Variants in AFAP1 observed in about 807,000 individuals in gnomAD.
AFAP1 encodes actin filament associated protein 1.
Under a neutral mutation model 93.9 loss-of-function variants are expected in AFAP1, and 75 were observed. That is an observed-to-expected ratio of 0.80 (90% CI 0.66 to 0.97). AFAP1 has a LOEUF of 0.97. AFAP1 is among the 50% of genes least tolerant of loss of function. The pLI is 0.00. For synonymous variants in AFAP1, 517 were observed against 430.7 expected (o/e 1.20, Z -2.48); for missense variants, 1,201 against 1,050.8 (o/e 1.14, Z -1.98).
At chr4:7,839,907 A>T (rs150120044) in intron 5 of AFAP1, among the ~76,000 whole-genome samples, 238 of 152,308 alleles carry the variant, frequency 1.6e-3, no homozygotes, top group African/African-American at 5.4e-3. Flanking sequence ...CCTCGTTTGC[A>T]AAATGTGTTT....
intron 1 of AFAP1, among the ~76,000 whole-genome samples, chr4:7,873,921 T>C (rs774018440): frequency 2.0e-4 from 31 of 152,190 alleles, no homozygotes; most frequent in Non-Finnish European, 4.3e-4. Flanking sequence ...CTGATACCAT[T>C]TGTGGCCAAG....
intron 9 of AFAP1, among the ~76,000 whole-genome samples, chr4:7,804,351 C>T (rs941628864): frequency 2.6e-5 from 4 of 152,214 alleles, no homozygotes; most frequent in African/African-American, 9.7e-5. Flanking sequence ...TTGAATCTCA[C>T]TTATCATATT....
chr4:7,836,892 T>C (rs1272084353), intron 6 of AFAP1, among the ~76,000 whole-genome samples: 1 of 147,856 alleles, frequency 6.8e-6, no homozygotes, highest in East Asian at 1.9e-4. Context: ...GAATTATCCC[T>C]CAATAAAGCT....
At chr4:7,826,132 G>T (rs1721400261) in intron 6 of AFAP1, among the ~76,000 whole-genome samples, 1 of 152,194 alleles carries the variant, frequency 6.6e-6, no homozygotes, top group South Asian at 2.1e-4. Flanking sequence ...ATTTGGGACA[G>T]GGAAGAAGCC....
At position 7,851,953 on chromosome 4, in the gene AFAP1, G is replaced by C. The variant is rs548176306; in HGVS notation, c.334+3513C>G. 4.6e-5 allele frequency among the ~76,000 whole-genome samples: 7 copies of C among 152,286 alleles called. No homozygotes were observed. The East Asian group carries it at 1.4e-3, about 29-fold the overall frequency. Reference sequence around the variant, plus strand: ...ATCCCCACACCATTGCTTCTGACCAGGGAACTCATTTACAGCAAATCAAGT... The same window carrying C: ...ATCCCCACACCATTGCTTCTGACCACGGAACTCATTTACAGCAAATCAAGT... On this transcript the variant is annotated intron_variant, in intron 4 of 17. Transcript: ENST00000420658.
chr4:7,917,244 G>T (rs1010732221), intron 1 of AFAP1, among the ~76,000 whole-genome samples: 46 of 152,144 alleles, frequency 3.0e-4, no homozygotes, highest in African/African-American at 1.1e-3. Context: ...CGAACAAAAG[G>T]AGTCAATCAG....
intron 3 of AFAP1, chr4:7,862,090 C>G (rs1168986549): frequency 6.6e-6 from 1 of 152,096 alleles, no homozygotes; most frequent in Non-Finnish European, 1.5e-5. Flanking sequence ...CCCCGCTACT[C>G]AGGAGGGTGA....
At chr4:7,793,019 C>T (rs1718021380) in intron 11 of AFAP1, among the ~76,000 whole-genome samples, 1 of 152,172 alleles carries the variant, frequency 6.6e-6, no homozygotes, top group East Asian at 1.9e-4. Flanking sequence ...AATAATTTAA[C>T]CCCGCAGACT....
chr4:7,770,961 T>C lies in AFAP1; in HGVS notation c.2253+1859A>G, dbSNP rs1449680666. On this transcript the variant is annotated intron_variant, in intron 16 of 17. Coordinates refer to ENST00000420658, the MANE Select transcript of AFAP1 (RefSeq NM_001134647.2). ...GCCTCACTGCCACTCTCACTGCACCTGACCCCACCATGCTCTTGTCCCCAT... is the reference window on the plus strand; with the variant it reads ...GCCTCACTGCCACTCTCACTGCACCCGACCCCACCATGCTCTTGTCCCCAT... 5.9e-5 allele frequency among the ~76,000 whole-genome samples: 9 copies of C among 152,202 alleles called. 1 individual carries two copies. The highest frequency in any genetic ancestry group is 1.3e-4 in the Non-Finnish European group (9 of 68,030).
chr4:7,899,436 G>A (rs1420999932), intron 1 of AFAP1, among the ~76,000 whole-genome samples: 2 of 152,198 alleles, frequency 1.3e-5, no homozygotes, highest in Non-Finnish European at 2.9e-5. Context: ...GCACTGGTAT[G>A]CAAATTATAT....
chr4:7,819,844 C>T (rs977480838), intron 6 of AFAP1, among the ~76,000 whole-genome samples: 1 of 152,206 alleles, frequency 6.6e-6, no homozygotes, highest in African/African-American at 2.4e-5. Context: ...GGGTTTAATC[C>T]TGGCTTTAGC....
chr4:7,816,443 A>G (rs748400007), intron 7 of AFAP1, among the ~76,000 whole-genome samples: 9 of 152,246 alleles, frequency 5.9e-5, no homozygotes, highest in Non-Finnish European at 1.3e-4. Flanking sequence ...TCACCAAGCC[A>G]TATTATCCTC....
Position 7,819,182 on chromosome 4 carries a change from C to T in AFAP1, c.727-11G>A, listed in dbSNP as rs750710185. On this transcript the variant is annotated splice_polypyrimidine_tract_variant and intron_variant, in intron 6 of 17. Transcript: ENST00000420658. The stretch of plus-strand genomic sequence containing the variant: ...GGCTTCTTTGATCACCTATAAAAAG[C>T]ACAGACACTTTGTGAGTATGCCCAA... 17 of 1,603,110 alleles carry T rather than the reference C, an allele frequency of 1.1e-5. No homozygotes were observed. In the South Asian group the frequency reaches 1.9e-4, roughly 18 times the overall value.
Position 7,790,043 on chromosome 4 carries a change from G to A in AFAP1, c.1412+3638C>T, listed in dbSNP as rs897035451. ...CCTCTTTTCAAAATATATTACTGCC[G>A]TCTCTTCCTCAGTCATGTACAATGC... On this transcript the variant is annotated intron_variant, in intron 11 of 17. Coordinates refer to ENST00000420658, the MANE Select transcript of AFAP1 (RefSeq NM_001134647.2). Among the ~76,000 whole-genome samples, 8 of 151,970 alleles carry A rather than the reference G, an allele frequency of 5.3e-5. No individual in the cohort carries two copies. In the East Asian group the frequency reaches 5.8e-4, roughly 11 times the overall value.
intron 7 of AFAP1, among the ~76,000 whole-genome samples, chr4:7,818,744 T>G (rs1171022343): frequency 6.6e-6 from 1 of 152,218 alleles, no homozygotes; most frequent in Non-Finnish European, 1.5e-5. Flanking sequence ...GGTACATTTA[T>G]GAAACGCCTG....
At chr4:7,800,726 C>T in intron 9 of AFAP1, 73 bp from the exon 10 acceptor site, 1 of 1,445,636 alleles carries the variant, frequency 6.9e-7, no homozygotes, top group Non-Finnish European at 9.7e-7. Context: ...TAGGGTCACA[C>T]TGAGGAGGCC....
intron 1 of AFAP1, among the ~76,000 whole-genome samples, chr4:7,874,478 C>T (rs987213639): frequency 6.7e-6 from 1 of 148,864 alleles, no homozygotes; most frequent in South Asian, 2.1e-4. Context: ...ATTCTCCTGC[C>T]TCAGCCTCCT....
At chr4:7,773,084 C>A in intron 15 of AFAP1, 74 bp from the exon 16 acceptor site, 1 of 1,507,654 alleles carries the variant, frequency 6.6e-7, no homozygotes, top group Non-Finnish European at 8.8e-7. Flanking sequence ...GCACCTGGTC[C>A]CCAAGAAGAA....
intron 1 of AFAP1, among the ~76,000 whole-genome samples, chr4:7,930,364 TGGCC>T (rs1036844624): frequency 4.5e-4 from 1 of 2,228 alleles, no homozygotes; most frequent in Non-Finnish European, 7.0e-4. Context: ...ATTAAGTCAT[TGGCC>T]ACCGGTGGCT....
Sources: allele counts gnomAD v4.1 joint callset (sites outside exome capture counted in the v4.1 genomes callset), GRCh38; gene constraint gnomAD v4.1.1; transcripts MANE v1.5; gene names NCBI Gene and HGNC (gene_info 2026-07-23, HGNC 2026-07-21).